The following NALCN variants were observed in gnomAD, a reference collection of about 807,000 sequenced individuals.
NALCN encodes the protein sodium leak channel NALCN.
NALCN carries 111 observed loss-of-function variants against 225.3 expected under a neutral mutation model. That is an observed-to-expected ratio of 0.49 (90% CI 0.42 to 0.58). The LOEUF is 0.58. NALCN is among the 20% of genes least tolerant of loss of function. The pLI, the probability that NALCN is intolerant of heterozygous loss-of-function variation, is 0.00. For missense variants in NALCN, 1,378 were observed against 2,202.4 expected (o/e 0.63, Z 7.49); for synonymous variants, 764 against 769.0 (o/e 0.99, Z 0.11).
chr13:101,189,880 T>C (rs993219410), intron 14 of NALCN, among the ~76,000 whole-genome samples: 13 of 152,240 alleles, frequency 8.5e-5, no homozygotes, highest in Non-Finnish European at 1.5e-5. Context: ...GGTTTTCATC[T>C]TGTGCTCTGT....
rs1474027756 is a variant in NALCN at position 101,120,913 on chromosome 13, C to T, written c.2192+3695G>A. Among the ~76,000 whole-genome samples the T allele has an allele frequency of 4.6e-5, 7 of 152,168 alleles. No homozygotes were observed. In the East Asian group the frequency reaches 1.2e-3, roughly 25 times the overall value. ...CTCAACTCATATCAAGAATTCTGCC[C>T]AGTCTAAACAGACCTCCATCCTACA... On this transcript the variant is annotated intron_variant, in intron 18 of 43. Transcript: ENST00000251127.
intron 13 of NALCN, among the ~76,000 whole-genome samples, chr13:101,194,254 A>C (rs2140012693): frequency 6.6e-6 from 1 of 152,280 alleles, no homozygotes; most frequent in Admixed American, 6.5e-5. Flanking sequence ...CGGGAGAAAA[A>C]AAAATCGAAT....
chr13:101,193,102 CTTTTTTTT>C (rs5806199), intron 13 of NALCN, among the ~76,000 whole-genome samples: 2 of 142,304 alleles, frequency 1.4e-5, no homozygotes, highest in Non-Finnish European at 3.1e-5. Context: ...CTGATTCCTT[CTTTTTTTT>C]TTTTTTTTGA....
At chr13:101,159,463 T>G (rs1480579123) in intron 15 of NALCN, among the ~76,000 whole-genome samples, 1 of 152,124 alleles carries the variant, frequency 6.6e-6, no homozygotes, top group African/African-American at 2.4e-5. Flanking sequence ...TTGCGGTTTG[T>G]GTAGGTGGCC....
At chr13:101,338,048 A>T (rs1278953014) in intron 7 of NALCN, among the ~76,000 whole-genome samples, 1 of 152,230 alleles carries the variant, frequency 6.6e-6, no homozygotes, top group Non-Finnish European at 1.5e-5. Flanking sequence ...GATAAATGAT[A>T]CCAACAGTTG....
intron 1 of NALCN, among the ~76,000 whole-genome samples, chr13:101,411,034 C>G (rs2047766106): frequency 6.6e-6 from 1 of 152,138 alleles, no homozygotes; most frequent in South Asian, 2.1e-4. Context: ...TCACTAACCT[C>G]CTTGTCATCA....
intron 14 of NALCN, among the ~76,000 whole-genome samples, chr13:101,187,973 T>C (rs1045293917): frequency 6.6e-6 from 1 of 152,186 alleles, no homozygotes; most frequent in Non-Finnish European, 1.5e-5. Flanking sequence ...GGGCTGGATT[T>C]GGTATCTGGG....
chr13:101,287,389 T>C (rs2043378347), intron 9 of NALCN, among the ~76,000 whole-genome samples: 1 of 152,334 alleles, frequency 6.6e-6, no homozygotes, highest in Admixed American at 6.5e-5. Context: ...TAGCATCTCA[T>C]GCTGAATAAA....
At position 101,124,650 on chromosome 13, in the gene NALCN, C is replaced by A; in HGVS notation, c.2150G>T (p.Arg717Met). The part of the protein sequence containing the change: ...LRKSVFSIRA[R>M]NLLEKETAVT... ...TGCGGTCTCCTTTTCCAGAAGGTTC[C>A]TTGCCCTGATGCTGAAAACAGACTT... Residue 717 changes from arginine (R) to methionine (M), a missense_variant, in exon 18 of 44, where the codon AGG becomes ATG. Physicochemically the swap from Arg to Met is moderately conservative, Grantham distance 91. This residue lies in a region of NALCN where 100 missense variants were observed against 89.4 expected (regional missense o/e 1.12). Transcript: ENST00000251127. 6.2e-7 allele frequency: 1 copy of A among 1,614,032 alleles called. No homozygotes were observed. The highest frequency in any genetic ancestry group is 1.6e-4 in the Middle Eastern group (1 of 6,062).
chr13:101,334,486 G>C (rs1163298599), intron 7 of NALCN, among the ~76,000 whole-genome samples: 1 of 152,060 alleles, frequency 6.6e-6, no homozygotes, highest in East Asian at 1.9e-4. Context: ...GAAGAGAATG[G>C]ACTGCCAGTG....
chr13:101,304,516 G>C (rs955151287), intron 7 of NALCN, among the ~76,000 whole-genome samples: 1 of 152,040 alleles, frequency 6.6e-6, no homozygotes, highest in Non-Finnish European at 1.5e-5. Flanking sequence ...GAATGCAGTG[G>C]TGCCATCTCG....
chr13:101,328,389 G>A (rs2045039817), intron 7 of NALCN, among the ~76,000 whole-genome samples: 1 of 151,888 alleles, frequency 6.6e-6, no homozygotes, highest in African/African-American at 2.4e-5. Flanking sequence ...TCGGCTCATT[G>A]CAACCTCTGC....
rs1555382227 is a variant in NALCN at position 101,104,708 on chromosome 13, G to A, written c.2637-58C>T. The A allele has an allele frequency of 1.2e-5, 19 of 1,605,216 alleles. No homozygotes were observed. The highest frequency in any genetic ancestry group is 9.4e-6 in the Non-Finnish European group (11 of 1,174,844). On this transcript the variant is annotated intron_variant, in intron 23 of 43. Coordinates refer to ENST00000251127, the MANE Select transcript of NALCN (RefSeq NM_052867.4). This position sits in a 1 kb window ranked among gnomAD's most constrained non-coding sequence, Gnocchi z 4.2. ...AAGGTTCCAGGAAAGGCTTCTAAGA[G>A]TTAGAGATGATGGCTTCTGTGGCTC...
chr13:101,393,366 A>G (rs1432532231), intron 3 of NALCN, among the ~76,000 whole-genome samples: 1 of 152,198 alleles, frequency 6.6e-6, no homozygotes, highest in Non-Finnish European at 1.5e-5. Context: ...TCAAAATACA[A>G]AGCAGTTCAG....
At chr13:101,220,645 G>C (rs1435776470) in intron 13 of NALCN, among the ~76,000 whole-genome samples, 1 of 152,142 alleles carries the variant, frequency 6.6e-6, no homozygotes, top group Non-Finnish European at 1.5e-5. Flanking sequence ...AGGCCGAGCT[G>C]CTTTCATTAT....
chr13:101,278,897 C>A lies in NALCN; in HGVS notation c.1134+5036G>T, dbSNP rs116126698. On this transcript the variant is annotated intron_variant, in intron 10 of 43. Transcript: ENST00000251127. ...CTATTCAATTTCTAGTTCTTACAGA[C>A]AAGACCAGGAGGACAAACAGAGCAG... Among the ~76,000 whole-genome samples, 177 of 152,256 alleles carry A rather than the reference C, an allele frequency of 1.2e-3. 1 individual carries two copies. The highest frequency in any genetic ancestry group is 4.1e-3 in the African/African-American group (170 of 41,560).
chr13:101,219,607 G>T (rs2040861712), intron 13 of NALCN, among the ~76,000 whole-genome samples: 4 of 152,144 alleles, frequency 2.6e-5, no homozygotes, highest in African/African-American at 9.7e-5. Flanking sequence ...CACAGGCTGT[G>T]CCCCAAAATG....
intron 13 of NALCN, among the ~76,000 whole-genome samples, chr13:101,229,187 G>C (rs1272560123): frequency 6.6e-6 from 1 of 152,070 alleles, no homozygotes; most frequent in Non-Finnish European, 1.5e-5. Context: ...TTTTAGAATT[G>C]ATATATAATC....
At chr13:101,218,416 T>C (rs2040819242) in intron 13 of NALCN, among the ~76,000 whole-genome samples, 1 of 152,120 alleles carries the variant, frequency 6.6e-6, no homozygotes, top group South Asian at 2.1e-4. Context: ...GAAAAAAATC[T>C]TCCCTTGTAT....
Sources: allele counts gnomAD v4.1 joint callset (sites outside exome capture counted in the v4.1 genomes callset), GRCh38; gene constraint gnomAD v4.1.1; regional missense constraint gnomAD v4.1.1; non-coding constraint Gnocchi (gnomAD v3.1); transcripts MANE v1.5; gene names NCBI Gene and HGNC (gene_info 2026-07-23, HGNC 2026-07-21).